Variants in VPS52 observed in about 807,000 individuals in gnomAD.
The protein encoded by VPS52 is vacuolar protein sorting-associated protein 52 homolog.
Under a neutral mutation model 98.7 loss-of-function variants are expected in VPS52, and 56 were observed. That is an observed-to-expected ratio of 0.57 (90% confidence interval 0.46 to 0.71). The LOEUF is 0.71. Ranked by LOEUF, VPS52 falls within the 30% of genes least tolerant of loss-of-function variation. The pLI is 0.00. For missense variants in VPS52, 742 were observed against 925.9 expected (o/e 0.80, Z 2.58); for synonymous variants, 348 against 346.4 (o/e 1.00, Z -0.05).
chr6:33,253,509 A>G (rs1762565234), intron 17 of VPS52, among the ~76,000 whole-genome samples: 1 of 152,020 alleles, frequency 6.6e-6, no homozygotes, highest in Admixed American at 6.6e-5. Flanking sequence ...AAAAAAAAAA[A>G]AATCACTTAT....
chr6:33,266,743 G>A, intron 11 of VPS52, 31 bp from the exon 12 acceptor site: 1 of 1,583,958 alleles, frequency 6.3e-7, no homozygotes, highest in Non-Finnish European at 8.6e-7. Context: ...AAGAAAAACA[G>A]AAGGGATGGA....
Position 33,266,673 on chromosome 6 carries a change from G to C in VPS52, c.1165C>G (p.Leu389Val). ...TATTCGCGGCAGGAATTGTCTAGGAGGGCGTAGTGCTGGCTGCGGAAGAGG... is the reference window on the plus strand; with the variant it reads ...TATTCGCGGCAGGAATTGTCTAGGACGGCGTAGTGCTGGCTGCGGAAGAGG... Reference protein sequence around the residue: ...EALFRSQHYALLDNSCREYLF... With the variant: ...EALFRSQHYAVLDNSCREYLF... The change falls in exon 12 of 20, where the codon CTC becomes GTC. Residue 389 changes from leucine to valine, a missense_variant. Leu to Val is a conservative substitution (Grantham distance 32). Transcript: ENST00000445902. 6.2e-7 allele frequency: 1 copy of C among 1,612,856 alleles called. No individual in the cohort carries two copies. Among genetic ancestry groups the C allele is most frequent in the Non-Finnish European group, 8.5e-7 (1 of 1,179,922 alleles).
intron 5 of VPS52, 69 bp downstream of exon 5, chr6:33,269,421 A>C: frequency 6.3e-7 from 1 of 1,598,106 alleles, no homozygotes; most frequent in Non-Finnish European, 8.6e-7. Flanking sequence ...CTGATGACCT[A>C]AAAATGGCAC....
chr6:33,262,821 A>C (rs1241737290), intron 17 of VPS52, among the ~76,000 whole-genome samples: 2 of 152,222 alleles, frequency 1.3e-5, no homozygotes, highest in Admixed American at 1.3e-4. Context: ...CTAAAAATCA[A>C]AACAATTGAA....
Position 33,267,332 on chromosome 6 carries a change from T to A in VPS52, c.992-11A>T. ...GCTTTGAGAAGAATCGTAAGATGGG[T>A]CAGAGTCAGGGAAAACAATGAGACC... On this transcript the variant is annotated splice_polypyrimidine_tract_variant and intron_variant, in intron 10 of 19. Coordinates refer to ENST00000445902, the MANE Select transcript of VPS52 (RefSeq NM_022553.6). This position sits in a 1 kb window ranked among gnomAD's most constrained non-coding sequence, Gnocchi z 4.2. The A allele has an allele frequency of 6.4e-7, 1 of 1,565,114 alleles. No individual in the cohort carries two copies. Among genetic ancestry groups the A allele is most frequent in the Non-Finnish European group, 8.6e-7 (1 of 1,156,192 alleles).
intron 17 of VPS52, chr6:33,254,993 T>G (rs1357489615): frequency 6.6e-6 from 1 of 152,214 alleles, no homozygotes; most frequent in Admixed American, 6.5e-5. Context: ...TTATTGATTA[T>G]ATGTTGAAAT....
At chr6:33,269,393 C>T (rs1745599657) in intron 5 of VPS52, 97 bp downstream of exon 5, 1 of 1,530,964 alleles carries the variant, frequency 6.5e-7, no homozygotes, top group Non-Finnish European at 9.0e-7. Flanking sequence ...ATGACCCTAA[C>T]CTGTCCCCAT....
In VPS52 at chr6:33,268,844, T is replaced by C. The variant is rs2150855321; in HGVS notation, c.548+170A>G. 6.6e-6 allele frequency among the ~76,000 whole-genome samples: 1 copy of C among 152,218 alleles called. No homozygotes were observed. Among genetic ancestry groups the C allele is most frequent in the Middle Eastern group, 3.4e-3 (1 of 294 alleles). ...ACACCTGATCTTACATCATTCTTAA[T>C]CTTAATCTTTGATGCCTAATGCATA... On this transcript the variant is annotated intron_variant, in intron 6 of 19. Transcript: ENST00000445902. This position sits in a 1 kb window ranked among gnomAD's most constrained non-coding sequence, Gnocchi z 4.0.
intron 1 of VPS52, among the ~76,000 whole-genome samples, chr6:33,270,863 A>G (rs1476671538): frequency 1.3e-5 from 2 of 150,132 alleles, no homozygotes; most frequent in Non-Finnish European, 3.0e-5. Context: ...AGGCAGGAGA[A>G]TGGCGTGAAC....
At chr6:33,266,891 A>G (rs1764394727) in intron 11 of VPS52, among the ~76,000 whole-genome samples, 179 bp from the exon 12 acceptor site, 1 of 152,122 alleles carries the variant, frequency 6.6e-6, no homozygotes, top group South Asian at 2.1e-4. Flanking sequence ...GTGGGGGAAC[A>G]TAGGGGTACA....
chr6:33,264,188 A>G, intron 14 of VPS52, 85 bp from the exon 15 acceptor site: 3 of 1,558,634 alleles, frequency 1.9e-6, no homozygotes, highest in South Asian at 1.1e-5. Context: ...ACCCACCTCC[A>G]TGTGATGTGA....
chr6:33,251,555 C>G lies in VPS52; in HGVS notation c.1988G>C (p.Ser663Thr). 2 of 1,613,922 alleles carry G rather than the reference C, an allele frequency of 1.2e-6. No individual in the cohort carries two copies. The highest frequency in any genetic ancestry group is 1.7e-6 in the Non-Finnish European group (2 of 1,179,958). ...VESLSQDVMRSFTNFRNGTSI... is the reference protein window; with the variant it reads ...VESLSQDVMRTFTNFRNGTSI... Reference sequence around the variant, plus strand: ...GGTGCCATTTCTGAAGTTGGTGAAACTCCGCATTACATCCTGACTCAGAGA... The same window carrying G: ...GGTGCCATTTCTGAAGTTGGTGAAAGTCCGCATTACATCCTGACTCAGAGA... Residue 663 changes from serine to threonine, a missense_variant, in exon 19 of 20, where the codon AGT becomes ACT. Physicochemically the swap from Ser to Thr is moderately conservative, Grantham distance 58. Around this residue, in one of 2 missense-constraint regions of VPS52, gnomAD observed 590 missense variants for 793.3 expected, o/e 0.74. Coordinates refer to ENST00000445902, the MANE Select transcript of VPS52 (RefSeq NM_022553.6).
Position 33,268,620 on chromosome 6 carries a change from G to T in VPS52, c.578C>A (p.Pro193His). Residue 193 changes from proline to histidine, a missense_variant, in exon 7 of 20, where the codon CCC becomes CAC. Pro to His is a moderately conservative substitution (Grantham distance 77). This residue lies in a region of VPS52 where 590 missense variants were observed against 793.3 expected (regional missense o/e 0.74). Transcript: ENST00000445902. This position sits in a 1 kb window ranked among gnomAD's most constrained non-coding sequence, Gnocchi z 4.0. ...TAILEAPVTE[P>H]RFLEQLQELD... The stretch of plus-strand genomic sequence containing the variant: ...CTCCTGTAGCTGCTCCAAGAACCTG[G>T]GCTCTGTCACTGGAGCCTCCAGAAT... 6.2e-7 allele frequency: 1 copy of T among 1,608,628 alleles called. No homozygotes were observed.
Position 33,268,975 on chromosome 6 carries a change from C to G in VPS52, c.548+39G>C, listed in dbSNP as rs777437925. ...GGGTGGGTCACCCCAGCCCATCCAC[C>G]TGCTATGGACATTATAACCCTTCAA... On this transcript the variant is annotated intron_variant, in intron 6 of 19. Coordinates refer to ENST00000445902, the MANE Select transcript of VPS52 (RefSeq NM_022553.6). The surrounding 1 kb of genome is among the most constrained non-coding windows in gnomAD (Gnocchi z 4.0). 1.9e-6 allele frequency: 3 copies of G among 1,603,334 alleles called. No homozygotes were observed. The highest frequency in any genetic ancestry group is 1.7e-5 in the Admixed American group (1 of 59,424).
intron 4 of VPS52, 77 bp downstream of exon 4, chr6:33,269,667 C>G: frequency 1.3e-6 from 2 of 1,570,940 alleles, no homozygotes; most frequent in East Asian, 2.2e-5. Flanking sequence ...GATGTTGACC[C>G]CAGCTGGGAC....
chr6:33,257,506 C>A (rs1480124440), intron 17 of VPS52, among the ~76,000 whole-genome samples: 1 of 152,012 alleles, frequency 6.6e-6, no homozygotes, highest in Non-Finnish European at 1.5e-5. Context: ...TCAAGTGATT[C>A]TCCTGCCTCA....
chr6:33,269,515 A>G lies in VPS52; in HGVS notation c.347T>C (p.Ile116Thr). 6.2e-7 allele frequency: 1 copy of G among 1,613,546 alleles called. No individual in the cohort carries two copies. Among genetic ancestry groups the G allele is most frequent in the Non-Finnish European group, 8.5e-7 (1 of 1,179,948 alleles). ...SENIASLHNQ[I>T]TACDAVLERM... ...CTCCAGGACAGCATCACAGGCTGTG[A>G]TCTGGTTGTGTAGAGATGCTATATT... Residue 116 changes from isoleucine to threonine, a missense_variant, in exon 5 of 20, where the codon ATC becomes ACC. Transcript: ENST00000445902.
At chr6:33,256,307 A>AG (rs1374498876) in intron 17 of VPS52, among the ~76,000 whole-genome samples, 2 of 151,336 alleles carry the variant, frequency 1.3e-5, no homozygotes, top group Non-Finnish European at 2.9e-5. Context: ...TATTCTCTAC[A>AG]GAAAAAAAAA....
chr6:33,268,306 G>C lies in VPS52; in HGVS notation c.700-98C>G, dbSNP rs1041041130. 7.7e-5 allele frequency: 106 copies of C among 1,373,002 alleles called. No individual in the cohort carries two copies. The highest frequency in any genetic ancestry group is 1.0e-4 in the Non-Finnish European group (98 of 974,008). The allele number at this position is 1,373,002 out of a possible 1,614,324, so 85.1% of individuals were successfully genotyped here. A position where few individuals can be genotyped will look rare whatever the true frequency, so the allele number is the denominator to read the frequency against. On this transcript the variant is annotated intron_variant, in intron 7 of 19. Coordinates refer to ENST00000445902, the MANE Select transcript of VPS52 (RefSeq NM_022553.6). The surrounding 1 kb of genome is among the most constrained non-coding windows in gnomAD (Gnocchi z 4.0). ...AACAAATGGTAAACATAGGCAGAAG[G>C]GTGGTGAATATCTCTTTGGTATTTC...
Sources: gnomAD v4.1 joint callset for allele counts (sites outside exome capture counted in the v4.1 genomes callset) on GRCh38, gnomAD v4.1.1 for gene constraint, gnomAD v4.1.1 regional missense constraint, Gnocchi (gnomAD v3.1) non-coding constraint, MANE v1.5 for transcripts, NCBI Gene and HGNC (gene_info 2026-07-23, HGNC 2026-07-21) for gene names.